Variants in RIN3 observed in about 807,000 individuals in gnomAD.
RIN3 encodes the protein RAB5 interacting protein 3.
In RIN3, 54 loss-of-function variants were observed where a neutral mutation model predicts 76.3. The ratio of observed to expected loss-of-function variants is 0.71; its 90% CI spans 0.57 to 0.89. The LOEUF is 0.89. Ranked by LOEUF, RIN3 falls within the 40% of genes least tolerant of loss-of-function variation. The probability of loss-of-function intolerance (pLI) is 0.00; values close to 1 mark genes in which losing one functional copy is unlikely to be tolerated. For synonymous variants in RIN3, 576 were observed against 564.0 expected (o/e 1.02, Z -0.30); for missense variants, 1,256 against 1,322.1 (o/e 0.95, Z 0.78).
chr14:92,586,426 T>C (rs1884779939), intron 3 of RIN3: 1 of 152,204 alleles, frequency 6.6e-6, no homozygotes, highest in African/African-American at 2.4e-5. Flanking sequence ...ATAACCACAG[T>C]TTATTTCTTT....
At chr14:92,577,975 C>T (rs1322881243) in intron 3 of RIN3, among the ~76,000 whole-genome samples, 1 of 152,184 alleles carries the variant, frequency 6.6e-6, no homozygotes, top group Admixed American at 6.5e-5. Context: ...CTTGATGGCT[C>T]ACGCCTATAA....
At chr14:92,580,992 C>G (rs1160851040) in intron 3 of RIN3, among the ~76,000 whole-genome samples, 2 of 152,184 alleles carry the variant, frequency 1.3e-5, no homozygotes, top group Admixed American at 6.5e-5. Context: ...ATATAGAAAA[C>G]TTGATTGACC....
chr14:92,561,042 A>ATATATATATATATATAT (rs1461986249), intron 2 of RIN3, among the ~76,000 whole-genome samples: 19 of 19,366 alleles, frequency 9.8e-4, no homozygotes, highest in East Asian at 0.012. Flanking sequence ...AAAAAAAAAA[A>ATATATATATATATATAT]AAATATATAT....
intron 3 of RIN3, among the ~76,000 whole-genome samples, chr14:92,578,290 A>T (rs1184856748): frequency 6.6e-6 from 1 of 151,952 alleles, no homozygotes; most frequent in Admixed American, 6.5e-5. Flanking sequence ...CTGTGTGTGC[A>T]TAGTGCTACT....
chr14:92,652,135 G>A lies in RIN3; in HGVS notation c.1086G>A (p.Gly362=). The change falls in exon 6 of 10, where the codon GGG becomes GGA. Residue 362 remains glycine, a synonymous_variant. Coordinates refer to ENST00000216487, the MANE Select transcript of RIN3 (RefSeq NM_024832.5). This position sits in a 1 kb window ranked among gnomAD's most constrained non-coding sequence, Gnocchi z 6.4. ...GPLREEAMKP[G]AASSPLQQVP... ...TCAGGGAGGAAGCGATGAAGCCAGG[G>A]GCAGCCTCCAGTCCCTTGCAGCAGG... 6.2e-7 allele frequency: 1 copy of A among 1,608,590 alleles called. No individual in the cohort carries two copies. Among genetic ancestry groups the A allele is most frequent in the Non-Finnish European group, 8.5e-7 (1 of 1,179,108 alleles).
At chr14:92,536,706 C>T (rs904445567) in intron 1 of RIN3, among the ~76,000 whole-genome samples, 1 of 147,598 alleles carries the variant, frequency 6.8e-6, no homozygotes, top group African/African-American at 2.5e-5. Context: ...CGCGCCACTG[C>T]ACTCCAGCCT....
chr14:92,535,466 G>C (rs1288434110), intron 1 of RIN3, among the ~76,000 whole-genome samples: 1 of 151,308 alleles, frequency 6.6e-6, no homozygotes, highest in Non-Finnish European at 1.5e-5. Context: ...TTGATGAACA[G>C]GAAGTCTTTG....
rs550214611 is a variant in RIN3 at position 92,550,066 on chromosome 14, G to C, written c.45-5685G>C. On this transcript the variant is annotated intron_variant, in intron 1 of 9. Transcript: ENST00000216487. The stretch of plus-strand genomic sequence containing the variant: ...GGCTTAGCGACGGTTCCTGGCAGTT[G>C]GAGCTGCTGTGGCCAGGCCAGTTGA... 2.0e-5 allele frequency among the ~76,000 whole-genome samples: 3 copies of C among 152,286 alleles called. No homozygotes were observed. In the East Asian group the frequency reaches 5.8e-4, roughly 29 times the overall value.
intron 6 of RIN3, among the ~76,000 whole-genome samples, chr14:92,657,635 C>G (rs1289746743): frequency 1.3e-5 from 2 of 151,078 alleles, no homozygotes; most frequent in Non-Finnish European, 3.0e-5. Context: ...CATGCAGAAG[C>G]CCAGGACAGT....
intron 4 of RIN3, among the ~76,000 whole-genome samples, chr14:92,636,915 G>A (rs1031372672): frequency 6.6e-6 from 1 of 151,714 alleles, no homozygotes; most frequent in African/African-American, 2.4e-5. Flanking sequence ...TAAAAAAATA[G>A]TAAAATAAAT....
chr14:92,688,079 G>T lies in RIN3; in HGVS notation c.2785G>T (p.Gly929Trp), dbSNP rs368824511. ...GCACCGGCTGTTCGTGCTGGTGGAC[G>T]GGCGCTGCTTCCAGCTGGCGGACGA... Reference protein sequence around the residue: ...QAHRLFVLVDGRCFQLADDAL... With the variant: ...QAHRLFVLVDWRCFQLADDAL... Residue 929 changes from glycine (G) to tryptophan (W), a missense_variant, in exon 10 of 10, where the codon GGG becomes TGG. Coordinates refer to ENST00000216487, the MANE Select transcript of RIN3 (RefSeq NM_024832.5). 2 of 1,606,136 alleles carry T rather than the reference G, an allele frequency of 1.2e-6. No individual in the cohort carries two copies. Among genetic ancestry groups the T allele is most frequent in the South Asian group, 1.1e-5 (1 of 90,388 alleles).
chr14:92,669,804 G>A (rs74074830), intron 7 of RIN3, among the ~76,000 whole-genome samples: 27,257 of 152,192 alleles, frequency 0.18, 2,673 homozygotes, highest in East Asian at 0.32. Context: ...GGCTGCTTAT[G>A]TTCTAAGGGC....
chr14:92,605,739 T>C (rs1595450106), intron 3 of RIN3, among the ~76,000 whole-genome samples: 2 of 152,332 alleles, frequency 1.3e-5, no homozygotes, highest in East Asian at 1.9e-4. Flanking sequence ...AATTTACCTT[T>C]GCACCATCTG....
rs1887657037 is a variant in RIN3 at position 92,656,125 on chromosome 14, CTG to C, written c.2027-3033_2027-3032del. Among the ~76,000 whole-genome samples, 2 of 152,304 alleles carry C rather than the reference CTG, an allele frequency of 1.3e-5. No individual in the cohort carries two copies. Among genetic ancestry groups the C allele is most frequent in the Non-Finnish European group, 2.9e-5 (2 of 68,022 alleles). On this transcript the variant is annotated intron_variant, in intron 6 of 9. Transcript: ENST00000216487. This position sits in a 1 kb window ranked among gnomAD's most constrained non-coding sequence, Gnocchi z 5.2. ...AAAACTCCAAGTGGCCCAGAGGAAA[CTG>C]TGGTCAGCCCTGCCTTCCAGAGTTG...
intron 1 of RIN3, among the ~76,000 whole-genome samples, chr14:92,516,628 C>T (rs1896451333): frequency 2.0e-5 from 3 of 152,154 alleles, no homozygotes; most frequent in African/African-American, 7.2e-5. Context: ...CCCCCCCACC[C>T]CGAGAAGCCC....
At chr14:92,666,750 C>T (rs1888118947) in intron 7 of RIN3, among the ~76,000 whole-genome samples, 2 of 152,202 alleles carry the variant, frequency 1.3e-5, no homozygotes, top group Admixed American at 6.5e-5. Context: ...CAAGAAACCT[C>T]TTCAAGATGG....
chr14:92,555,685 C>A (rs1274302026), intron 1 of RIN3, 66 bp from the exon 2 acceptor site: 5 of 1,481,032 alleles, frequency 3.4e-6, no homozygotes, highest in Middle Eastern at 3.5e-4. Flanking sequence ...GAATGGAATC[C>A]CCAGGTGTTA....
intron 1 of RIN3, among the ~76,000 whole-genome samples, chr14:92,549,447 G>A (rs1324195808): frequency 6.6e-6 from 1 of 152,196 alleles, no homozygotes; most frequent in East Asian, 1.9e-4. Context: ...CTAATAGGCA[G>A]CATCTAGCCA....
chr14:92,527,233 T>C (rs145679769), intron 1 of RIN3, among the ~76,000 whole-genome samples: 9,960 of 151,806 alleles, frequency 0.066, 1,100 homozygotes, highest in African/African-American at 0.23. Flanking sequence ...TTTGTATTTT[T>C]AGTAGAGACG....
Sources: allele counts gnomAD v4.1 joint callset (sites outside exome capture counted in the v4.1 genomes callset), GRCh38; gene constraint gnomAD v4.1.1; non-coding constraint Gnocchi (gnomAD v3.1); transcripts MANE v1.5; gene names NCBI Gene and HGNC (gene_info 2026-07-23, HGNC 2026-07-21).